The following MDGA2 variants were observed in gnomAD, a reference collection of about 807,000 sequenced individuals.
MDGA2 encodes MAM domain-containing glycosylphosphatidylinositol anchor protein 2.
A neutral mutation model predicts 117.8 loss-of-function variants in MDGA2; 40 were observed. The observed-to-expected ratio is 0.34, with a 90% CI of 0.26 to 0.44. The LOEUF is 0.44. Among genes scored for constraint, MDGA2 ranks in the 20% least tolerant of loss-of-function variants. The pLI, the probability that MDGA2 is intolerant of heterozygous loss-of-function variation, is 1.00. For synonymous variants in MDGA2, 452 were observed against 439.0 expected (o/e 1.03, Z -0.37); for missense variants, 1,123 against 1,250.6 (o/e 0.90, Z 1.54).
chr14:47,188,606 A>G (rs1437635551), intron 3 of MDGA2, among the ~76,000 whole-genome samples: 2 of 152,226 alleles, frequency 1.3e-5, no homozygotes, highest in East Asian at 3.9e-4. Context: ...AATGTTGGTT[A>G]TTTTAAGCCA....
At chr14:47,514,072 C>T (rs1050035108) in intron 1 of MDGA2, among the ~76,000 whole-genome samples, 2 of 152,132 alleles carry the variant, frequency 1.3e-5, no homozygotes, top group African/African-American at 4.8e-5. Context: ...CAACAGCAGA[C>T]TTAACAACAA....
chr14:47,175,085 C>G (rs1020581634), intron 3 of MDGA2, among the ~76,000 whole-genome samples: 5 of 151,690 alleles, frequency 3.3e-5, no homozygotes, highest in East Asian at 3.9e-4. Context: ...TACACCCACC[C>G]AAGACTAAAC....
chr14:47,239,864 T>C (rs1886982039), intron 2 of MDGA2, among the ~76,000 whole-genome samples: 1 of 151,802 alleles, frequency 6.6e-6, no homozygotes, highest in Non-Finnish European at 1.5e-5. Flanking sequence ...ATTTTATATC[T>C]TTTTTTAGGC....
chr14:47,141,072 A>T (rs894342545), intron 4 of MDGA2, among the ~76,000 whole-genome samples: 2 of 152,196 alleles, frequency 1.3e-5, no homozygotes, highest in Non-Finnish European at 2.9e-5. Context: ...TATTAGGGAC[A>T]TGCAAAACAA....
intron 8 of MDGA2, among the ~76,000 whole-genome samples, chr14:46,998,037 A>T (rs1387417939): frequency 1.3e-5 from 2 of 152,188 alleles, no homozygotes; most frequent in African/African-American, 4.8e-5. Context: ...ATAAGAAACA[A>T]GAGTCAGACA....
chr14:47,347,780 C>T (rs972260339), intron 1 of MDGA2, among the ~76,000 whole-genome samples: 1 of 152,076 alleles, frequency 6.6e-6, no homozygotes, highest in African/African-American at 2.4e-5. Context: ...GTGTGAAGGA[C>T]ATCATTACGA....
At chr14:47,519,491 T>C (rs561419293) in intron 1 of MDGA2, among the ~76,000 whole-genome samples, 7 of 152,324 alleles carry the variant, frequency 4.6e-5, no homozygotes, top group African/African-American at 1.7e-4. Context: ...TGTTACTCTA[T>C]CTTAGAGAGT....
chr14:46,937,221 C>G (rs374504818), intron 9 of MDGA2, among the ~76,000 whole-genome samples: 6 of 150,778 alleles, frequency 4.0e-5, no homozygotes, highest in South Asian at 4.2e-4. Flanking sequence ...GACACCCCCC[C>G]CAACACAAAT....
Position 47,061,371 on chromosome 14 carries a change from G to C in MDGA2, c.1403C>G (p.Thr468Arg), listed in dbSNP as rs1182591068. The C allele has an allele frequency of 6.2e-7, 1 of 1,613,592 alleles. No homozygotes were observed. The highest frequency in any genetic ancestry group is 8.5e-7 in the Non-Finnish European group (1 of 1,179,668). ...TQTDPDVSPG[T>R]TNLDIIDLKF... ...TAAATCAATGATGTCCAAGTTTGTT[G>C]TTCCCGGAGAGACATCAGGATCAGT... The change falls in exon 7 of 17, where the codon ACA (threonine) becomes AGA (arginine). Residue 468 changes from threonine (T) to arginine (R), a missense_variant. This residue lies in a region of MDGA2 where 890 missense variants were observed against 1,050.3 expected (regional missense o/e 0.85). Coordinates refer to ENST00000399232, the MANE Select transcript of MDGA2 (RefSeq NM_001113498.3).
In MDGA2 at chr14:47,330,635, C is replaced by T. The variant is rs140032365; in HGVS notation, c.281-29085G>A. Among the ~76,000 whole-genome samples the T allele has an allele frequency of 3.3e-3, 495 of 151,820 alleles. 4 individuals are homozygous for T. Among genetic ancestry groups the T allele is most frequent in the African/African-American group, 0.011 (470 of 41,466 alleles). On this transcript the variant is annotated intron_variant, in intron 1 of 16. Coordinates refer to ENST00000399232, the MANE Select transcript of MDGA2 (RefSeq NM_001113498.3). ...CTTGTATTCCCAAGTCAATTTCAAT[C>T]ATGACAGGTAGCATACTACAGTAAA...
At chr14:47,285,766 G>A (rs780221617) in intron 2 of MDGA2, among the ~76,000 whole-genome samples, 11 of 152,014 alleles carry the variant, frequency 7.2e-5, no homozygotes, top group Admixed American at 2.0e-4. Flanking sequence ...TAAGTAAATC[G>A]GAAGATTTCC....
intron 1 of MDGA2, among the ~76,000 whole-genome samples, chr14:47,490,246 C>G (rs1435819771): frequency 1.3e-5 from 2 of 152,012 alleles, no homozygotes; most frequent in African/African-American, 2.4e-5. Context: ...GTTATTTATT[C>G]AAAATCACTT....
At chr14:46,977,243 T>A (rs1021372866) in intron 8 of MDGA2, among the ~76,000 whole-genome samples, 10 of 151,760 alleles carry the variant, frequency 6.6e-5, no homozygotes, top group South Asian at 4.1e-4. Context: ...TCTTTTTTTT[T>A]AAAACACTTT....
At chr14:47,594,983 C>T (rs1236756246) in intron 1 of MDGA2, among the ~76,000 whole-genome samples, 1 of 152,142 alleles carries the variant, frequency 6.6e-6, no homozygotes, top group African/African-American at 2.4e-5. Flanking sequence ...CCAGTGAATG[C>T]TTCCCCACTC....
At chr14:47,376,194 T>A (rs182327266) in intron 1 of MDGA2, among the ~76,000 whole-genome samples, 1 of 152,320 alleles carries the variant, frequency 6.6e-6, no homozygotes, top group Non-Finnish European at 1.5e-5. Context: ...TTGGGATTTT[T>A]GATCATTTAA....
chr14:46,943,329 T>A (rs1422202831), intron 9 of MDGA2, among the ~76,000 whole-genome samples: 2 of 152,020 alleles, frequency 1.3e-5, no homozygotes, highest in Non-Finnish European at 2.9e-5. Context: ...ATAGTGCATT[T>A]TTTTTTCTCA....
chr14:47,207,916 A>T (rs1885745556), intron 3 of MDGA2, among the ~76,000 whole-genome samples: 1 of 152,034 alleles, frequency 6.6e-6, no homozygotes. Flanking sequence ...TCACACCAGT[A>T]TGTTTCAGAA....
intron 1 of MDGA2, among the ~76,000 whole-genome samples, chr14:47,521,044 AT>A (rs1326752332): frequency 6.6e-6 from 1 of 152,212 alleles, no homozygotes; most frequent in Non-Finnish European, 1.5e-5. Context: ...AAAACCTGTC[AT>A]GGATAAAATA....
chr14:47,010,338 T>C lies in MDGA2; in HGVS notation c.1819+24673A>G, dbSNP rs544555939. The stretch of plus-strand genomic sequence containing the variant: ...AAGGTAATCAGATAAGGATTTAAGA[T>C]CTTAGGAAAAAAATAGATATAAAAA... On this transcript the variant is annotated intron_variant, in intron 8 of 16. Transcript: ENST00000399232. Among the ~76,000 whole-genome samples the C allele has an allele frequency of 9.1e-5, 4 of 43,970 alleles. No homozygotes were observed. In the Admixed American group the frequency reaches 1.0e-3, roughly 11 times the overall value. The allele number at this position is 43,970 out of a possible 152,430, so 28.8% of individuals were successfully genotyped here.
Sources: allele counts gnomAD v4.1 joint callset (sites outside exome capture counted in the v4.1 genomes callset), GRCh38; gene constraint gnomAD v4.1.1; regional missense constraint gnomAD v4.1.1; transcripts MANE v1.5; gene names NCBI Gene and HGNC (gene_info 2026-07-23, HGNC 2026-07-21).